Variants in BCAR3 observed in about 807,000 individuals in gnomAD.
The protein encoded by BCAR3 is BCAR3 adaptor protein, NSP family member, also known as breast cancer anti-estrogen resistance protein 3.
In BCAR3, 37 loss-of-function variants were observed where a neutral mutation model predicts 80.1. That is an observed-to-expected ratio of 0.46 (90% CI 0.36 to 0.61). The LOEUF (loss-of-function observed/expected upper bound fraction) is 0.61, where lower values mean the gene tolerates loss of function less well. Ranked by LOEUF, BCAR3 falls within the 20% of genes least tolerant of loss-of-function variation. The probability of loss-of-function intolerance (pLI) is 0.00; values close to 1 mark genes in which losing one functional copy is unlikely to be tolerated. For missense variants in BCAR3, 978 were observed against 1,068.2 expected (o/e 0.92, Z 1.18); for synonymous variants, 389 against 418.9 (o/e 0.93, Z 0.87).
At chr1:93,619,460 C>T (rs192343647) in intron 3 of BCAR3, among the ~76,000 whole-genome samples, 1 of 152,324 alleles carries the variant, frequency 6.6e-6, no homozygotes, top group Non-Finnish European at 1.5e-5. Flanking sequence ...TCCCAAGATT[C>T]CTTTTCTTCT....
chr1:93,753,544 AC>A lies in BCAR3; in HGVS notation c.-62-47403del, dbSNP rs1651637921. The A allele has an allele frequency of 0.03, 6 of 200 alleles. No individual in the cohort carries two copies. The South Asian group carries it at 0.36, about 12-fold the overall frequency. 0.0% of individuals were successfully genotyped at this position (200 alleles called of 1,614,324 possible). A position where few individuals can be genotyped will look rare whatever the true frequency, so the allele number is the denominator to read the frequency against. ...TGCATGCGCGCATATGCACGCGGGT[AC>A]ACACACACACACACACACACACACA... On this transcript the variant is annotated intron_variant, in intron 2 of 13. Coordinates refer to the BCAR3 transcript ENST00000370244.
intron 2 of BCAR3, among the ~76,000 whole-genome samples, chr1:93,651,964 C>A (rs561148124): frequency 5.9e-5 from 9 of 152,194 alleles, no homozygotes; most frequent in Non-Finnish European, 1.3e-4. Context: ...GACAAACCAG[C>A]GGTGCTCTCT....
At chr1:93,738,418 T>C (rs1651058227) in intron 2 of BCAR3, among the ~76,000 whole-genome samples, 1 of 152,210 alleles carries the variant, frequency 6.6e-6, no homozygotes, top group South Asian at 2.1e-4. Flanking sequence ...CTCAATGCAC[T>C]CTGAGCCTAC....
intron 2 of BCAR3, among the ~76,000 whole-genome samples, chr1:93,787,807 C>T (rs1444628688): frequency 6.6e-6 from 1 of 152,136 alleles, no homozygotes; most frequent in Non-Finnish European, 1.5e-5. Context: ...GTAGAATGTT[C>T]TGTAAATATC....
At chr1:93,833,625 A>G (rs1022359732) in intron 2 of BCAR3, among the ~76,000 whole-genome samples, 2 of 152,180 alleles carry the variant, frequency 1.3e-5, no homozygotes, top group African/African-American at 4.8e-5. Context: ...GAATTCAGTG[A>G]TATTTCTCCT....
chr1:93,800,407 C>G (rs1054460704), intron 2 of BCAR3, among the ~76,000 whole-genome samples: 1 of 152,058 alleles, frequency 6.6e-6, no homozygotes, highest in Admixed American at 6.6e-5. Context: ...AACCCTGTCT[C>G]TATTAAAAAT....
chr1:93,641,266 C>A (rs1443360865), intron 3 of BCAR3, among the ~76,000 whole-genome samples: 1 of 152,180 alleles, frequency 6.6e-6, no homozygotes, highest in Admixed American at 6.5e-5. Context: ...ATCCTCTGGT[C>A]TTTTAAAGAG....
chr1:93,719,444 C>T (rs1483558386), intron 2 of BCAR3, among the ~76,000 whole-genome samples: 3 of 139,124 alleles, frequency 2.2e-5, no homozygotes, highest in Non-Finnish European at 4.6e-5. Context: ...GGGTTCACAT[C>T]ATTCTCCTGC....
At chr1:93,656,528 C>G (rs1647387242) in intron 2 of BCAR3, among the ~76,000 whole-genome samples, 1 of 150,268 alleles carries the variant, frequency 6.7e-6, no homozygotes. Flanking sequence ...TCTGAGACCA[C>G]TTATGATTTT....
At chr1:93,587,292 C>T (rs1673985073) in intron 5 of BCAR3, among the ~76,000 whole-genome samples, 2 of 152,200 alleles carry the variant, frequency 1.3e-5, no homozygotes, top group African/African-American at 2.4e-5. Flanking sequence ...TCCCAAAGTG[C>T]TGGGATTACA....
At chr1:93,821,253 T>C (rs1654210260) in intron 2 of BCAR3, among the ~76,000 whole-genome samples, 1 of 152,074 alleles carries the variant, frequency 6.6e-6, no homozygotes, top group South Asian at 2.1e-4. Flanking sequence ...CCAGATTCCA[T>C]TGAAGTTCAG....
intron 2 of BCAR3, among the ~76,000 whole-genome samples, chr1:93,828,284 G>A (rs1041596847): frequency 6.6e-6 from 1 of 151,972 alleles, no homozygotes; most frequent in African/African-American, 2.4e-5. Context: ...CAGCCTGGGC[G>A]ACAGAGCAAG....
chr1:93,679,077 C>T (rs1450926504), intron 1 of BCAR3, among the ~76,000 whole-genome samples: 1 of 152,198 alleles, frequency 6.6e-6, no homozygotes, highest in East Asian at 1.9e-4. Context: ...TCTACTCTGC[C>T]ACTGACTTAC....
intron 2 of BCAR3, among the ~76,000 whole-genome samples, chr1:93,834,464 G>C (rs1197784061): frequency 6.6e-6 from 1 of 151,984 alleles, no homozygotes; most frequent in African/African-American, 2.4e-5. Flanking sequence ...CCTAAAAGCT[G>C]CTCCCATACT....
intron 9 of BCAR3, among the ~76,000 whole-genome samples, chr1:93,570,673 C>G (rs1673176164): frequency 6.6e-6 from 1 of 152,208 alleles, no homozygotes; most frequent in Admixed American, 6.5e-5. Flanking sequence ...CTGAGATAAA[C>G]TATTCTAAGG....
chr1:93,629,721 T>C (rs1489027471), intron 3 of BCAR3, among the ~76,000 whole-genome samples: 4 of 152,216 alleles, frequency 2.6e-5, no homozygotes, highest in Admixed American at 1.3e-4. Context: ...CGTTTTGGTG[T>C]TGAAGTTACT....
At chr1:93,764,339 C>A (rs1295974456) in intron 2 of BCAR3, among the ~76,000 whole-genome samples, 2 of 151,994 alleles carry the variant, frequency 1.3e-5, no homozygotes, top group African/African-American at 4.8e-5. Context: ...CTTAGGCCTC[C>A]TTCATCCTCT....
intron 2 of BCAR3, among the ~76,000 whole-genome samples, chr1:93,772,259 C>T (rs1462787868): frequency 6.6e-6 from 1 of 152,174 alleles, no homozygotes; most frequent in Non-Finnish European, 1.5e-5. Flanking sequence ...AGAAAAATCA[C>T]TCTGACTACA....
At chr1:93,805,383 TG>T (rs1280169051) in intron 2 of BCAR3, among the ~76,000 whole-genome samples, 1 of 152,132 alleles carries the variant, frequency 6.6e-6, no homozygotes, top group Non-Finnish European at 1.5e-5. Flanking sequence ...TAATGGAAAA[TG>T]GGGCTGAAAG....
Sources: gnomAD v4.1 joint callset for allele counts (sites outside exome capture counted in the v4.1 genomes callset) on GRCh38, gnomAD v4.1.1 for gene constraint, MANE v1.5 for transcripts, NCBI Gene and HGNC (gene_info 2026-07-23, HGNC 2026-07-21) for gene names.